The following USP20 variants were observed in gnomAD, a reference collection of about 807,000 sequenced individuals.
USP20 encodes ubiquitin carboxyl-terminal hydrolase 20.
USP20 carries 80 observed loss-of-function variants against 124.2 expected under a neutral mutation model. That is an observed-to-expected ratio of 0.64 (90% CI 0.54 to 0.78). The LOEUF (loss-of-function observed/expected upper bound fraction) is 0.78. USP20 is among the 30% of genes least tolerant of loss of function. The probability of loss-of-function intolerance (pLI) is 0.00; values close to 1 mark genes in which losing one functional copy is unlikely to be tolerated. For missense variants in USP20, 1,043 were observed against 1,244.4 expected (o/e 0.84, Z 2.44); for synonymous variants, 481 against 512.3 (o/e 0.94, Z 0.83).
At chr9:129,856,585 C>T (rs369661012) in intron 4 of USP20, among the ~76,000 whole-genome samples, 3 of 152,200 alleles carry the variant, frequency 2.0e-5, no homozygotes, top group African/African-American at 4.8e-5. Flanking sequence ...AAAAATAGGT[C>T]GGAGAAGGCT....
intron 1 of USP20, among the ~76,000 whole-genome samples, chr9:129,840,060 C>T (rs772258142): frequency 5.3e-5 from 8 of 152,166 alleles, no homozygotes; most frequent in Non-Finnish European, 1.2e-4. Context: ...GCTCTCCTGC[C>T]CCAAGAGAGG....
At chr9:129,857,487 G>A (rs1588260192) in intron 4 of USP20, among the ~76,000 whole-genome samples, 1 of 152,200 alleles carries the variant, frequency 6.6e-6, no homozygotes, top group South Asian at 2.1e-4. Flanking sequence ...AGCACTGAGC[G>A]GGCCTTGGAG....
At chr9:129,875,269 A>AGCCG (rs1311396738) in intron 19 of USP20, 41 bp from the exon 20 acceptor site, 3 of 1,554,418 alleles carry the variant, frequency 1.9e-6, no homozygotes, top group Non-Finnish European at 1.7e-6. Flanking sequence ...TGAAGGTGGC[A>AGCCG]GCCGTCAGGC....
rs771947050 is a variant in USP20, at chr9:129,874,840, A to G, written c.1933A>G (p.Ile645Val). 1.2e-6 allele frequency: 2 copies of G among 1,614,042 alleles called. No individual in the cohort carries two copies. Among genetic ancestry groups the G allele is most frequent in the Non-Finnish European group, 1.7e-6 (2 of 1,180,016 alleles). The change falls in exon 19 of 26, where the codon ATC becomes GTC. Residue 645 changes from isoleucine (I) to valine (V), a missense_variant. Ile to Val is a conservative substitution (Grantham distance 29, BLOSUM62 3). Transcript: ENST00000372429. ...HHGTAGSGHY[I>V]AYCQNVINGQ... Reference sequence around the variant, plus strand: ...CTCTGCCGCCGCAGGTGGGCACTACATCGCCTACTGCCAGAACGTGATCAA... The same window carrying G: ...CTCTGCCGCCGCAGGTGGGCACTACGTCGCCTACTGCCAGAACGTGATCAA...
intron 1 of USP20, among the ~76,000 whole-genome samples, chr9:129,842,604 T>C (rs1177066557): frequency 6.6e-6 from 1 of 151,976 alleles, no homozygotes; most frequent in South Asian, 2.1e-4. Flanking sequence ...AGTTTTTTTT[T>C]TTTTTTTTAG....
chr9:129,846,217 C>T (rs2032534357), intron 1 of USP20, among the ~76,000 whole-genome samples: 1 of 139,460 alleles, frequency 7.2e-6, no homozygotes, highest in South Asian at 2.3e-4. Flanking sequence ...TCGTGAGCCA[C>T]TGCGCCCAGC....
Position 129,878,319 on chromosome 9 carries a change from G to T in USP20, c.2410-19G>T, listed in dbSNP as rs117063673. Reference sequence around the variant, plus strand: ...ACTGACCTGCCCTCTGTCTCCTCCCGTCCCTGCCCGCCTGCCAGTTGAACA... The same window carrying T: ...ACTGACCTGCCCTCTGTCTCCTCCCTTCCCTGCCCGCCTGCCAGTTGAACA... On this transcript the variant is annotated intron_variant, in intron 22 of 25. Transcript: ENST00000372429. The T allele has an allele frequency of 2.6e-6, 4 of 1,562,238 alleles. No homozygotes were observed. Among genetic ancestry groups the T allele is most frequent in the Non-Finnish European group, 3.5e-6 (4 of 1,152,374 alleles).
At chr9:129,878,940 G>A (rs1386702002) in intron 23 of USP20, among the ~76,000 whole-genome samples, 3 of 152,230 alleles carry the variant, frequency 2.0e-5, no homozygotes, top group South Asian at 2.1e-4. Context: ...CTGTGGCTCC[G>A]GGGCCCGGCA....
At chr9:129,865,968 A>T (rs574441534) in intron 10 of USP20, among the ~76,000 whole-genome samples, 3 of 152,358 alleles carry the variant, frequency 2.0e-5, no homozygotes, top group African/African-American at 7.2e-5. Context: ...AATTTTTTTT[A>T]AATCTAGAGA....
Position 129,868,447 on chromosome 9 carries a change from C to T in USP20, c.1133C>T (p.Pro378Leu), listed in dbSNP as rs763806216. The T allele has an allele frequency of 1.1e-5, 17 of 1,608,942 alleles. No individual in the cohort carries two copies. The highest frequency in any genetic ancestry group is 1.3e-5 in the African/African-American group (1 of 74,830). The change falls in exon 11 of 26, where the codon CCA (proline) becomes CTA (leucine). Residue 378 changes from proline (P) to leucine (L), a missense_variant and splice_region_variant. Coordinates refer to ENST00000372429, the MANE Select transcript of USP20 (RefSeq NM_001110303.4). ...CGGTCCTCCAGCCCCTGCCGGACGC[C>T]AGGTATCAGCTGGCCGGGGACTGCG... ...SPRSSSPCRT[P>L]EPDNDAHLRS...
chr9:129,862,820 C>T (rs1437562819), intron 8 of USP20, among the ~76,000 whole-genome samples: 1 of 151,878 alleles, frequency 6.6e-6, no homozygotes, highest in Non-Finnish European at 1.5e-5. Flanking sequence ...GCAGGAGAAG[C>T]ACTTGAACCC....
chr9:129,875,242 G>A, intron 19 of USP20, 68 bp from the exon 20 acceptor site: 8 of 1,482,064 alleles, frequency 5.4e-6, no homozygotes, highest in Non-Finnish European at 7.2e-6. Context: ...CACTGGGATG[G>A]GGGCTCTGCA....
chr9:129,852,471 C>G, intron 2 of USP20, 69 bp from the exon 3 acceptor site: 3 of 1,413,332 alleles, frequency 2.1e-6, no homozygotes, highest in Non-Finnish European at 1.9e-6. Context: ...ATGTACTTAA[C>G]CACTCACCTC....
intron 8 of USP20, among the ~76,000 whole-genome samples, chr9:129,862,615 C>G (rs2033608198): frequency 6.6e-6 from 1 of 151,428 alleles, no homozygotes; most frequent in African/African-American, 2.4e-5. Flanking sequence ...TCTTTAAAGG[C>G]CCTGTCTTGG....
At position 129,868,302 on chromosome 9, in the gene USP20, C is replaced by T. The variant is rs373800274; in HGVS notation, c.988C>T (p.Arg330Cys). The T allele has an allele frequency of 3.2e-5, 51 of 1,613,776 alleles. No homozygotes were observed. The highest frequency in any genetic ancestry group is 3.8e-5 in the Non-Finnish European group (45 of 1,179,978). ...CTCTGAGAAGGAGCGGATGAAGGACCGCAAGTTCTCCTGGGGCCAGCAGCG... is the reference window on the plus strand; with the variant it reads ...CTCTGAGAAGGAGCGGATGAAGGACTGCAAGTTCTCCTGGGGCCAGCAGCG... ...AISEKERMKD[R>C]KFSWGQQRTN... Residue 330 changes from arginine to cysteine, a missense_variant, in exon 11 of 26, where the codon CGC becomes TGC. Physicochemically the swap from Arg to Cys is radical, Grantham distance 180. Coordinates refer to ENST00000372429, the MANE Select transcript of USP20 (RefSeq NM_001110303.4).
intron 6 of USP20, among the ~76,000 whole-genome samples, chr9:129,860,261 C>T (rs1191310795): frequency 3.4e-5 from 5 of 148,172 alleles, no homozygotes; most frequent in African/African-American, 9.9e-5. Flanking sequence ...ACCTGGGAGG[C>T]GGAGCTTGCA....
In USP20 at chr9:129,879,940, C is replaced by T. The variant is rs939539873; in HGVS notation, c.2585-173C>T. 5.3e-5 allele frequency among the ~76,000 whole-genome samples: 8 copies of T among 152,120 alleles called. No homozygotes were observed. The East Asian group carries it at 5.8e-4, about 11-fold the overall frequency. On this transcript the variant is annotated intron_variant, in intron 24 of 25. Transcript: ENST00000372429. The surrounding 1 kb of genome is among the most constrained non-coding windows in gnomAD (Gnocchi z 4.2). The stretch of plus-strand genomic sequence containing the variant: ...GAGATGTGTTATCCGGGGCCCTTAG[C>T]GGGATGGACATTCCTCTGGGAAATC...
At chr9:129,878,257 G>A in intron 22 of USP20, 81 bp from the exon 23 acceptor site, 2 of 1,133,166 alleles carry the variant, frequency 1.8e-6, no homozygotes, top group Non-Finnish European at 2.6e-6. Context: ...GACTGGGGCG[G>A]GGGCATTTGG....
rs10115249 is a variant in USP20, at chr9:129,861,589, T to C, written c.474T>C (p.Ala158=). The C allele has an allele frequency of 0.91, 1,465,299 of 1,613,956 alleles. 666,374 individuals are homozygous for C. Among genetic ancestry groups the C allele is most frequent in the East Asian group, 1 (44,767 of 44,882 alleles). ...KNLGNSCYMN[A]ALQALSNCPP... Reference sequence around the variant, plus strand: ...TCGGGAACTCCTGCTACATGAACGCTGCCCTGCAGGCCCTGTCCAATTGGT... The same window carrying C: ...TCGGGAACTCCTGCTACATGAACGCCGCCCTGCAGGCCCTGTCCAATTGGT... The change falls in exon 8 of 26, where the codon GCT becomes GCC. Residue 158 remains alanine (A), a synonymous_variant. Transcript: ENST00000372429.
Sources: allele counts gnomAD v4.1 joint callset (sites outside exome capture counted in the v4.1 genomes callset), GRCh38; gene constraint gnomAD v4.1.1; non-coding constraint Gnocchi (gnomAD v3.1); transcripts MANE v1.5; gene names NCBI Gene and HGNC (gene_info 2026-07-23, HGNC 2026-07-21).